The following GPHN variants were observed in gnomAD, a reference collection of about 807,000 sequenced individuals.
GPHN encodes gephyrin.
GPHN carries 17 observed loss-of-function variants against 95.5 expected under a neutral mutation model. The observed-to-expected ratio is 0.18, with a 90% CI of 0.12 to 0.27. The LOEUF (loss-of-function observed/expected upper bound fraction) is 0.27, where lower values mean the gene tolerates loss of function less well. Ranked by LOEUF, GPHN falls within the 10% of genes least tolerant of loss-of-function variation. The pLI is 1.00. For synonymous variants in GPHN, 320 were observed against 322.5 expected (o/e 0.99, Z 0.08); for missense variants, 660 against 978.1 (o/e 0.67, Z 4.34).
intron 10 of GPHN, among the ~76,000 whole-genome samples, chr14:67,054,480 G>A (rs953756392): frequency 6.6e-5 from 10 of 152,124 alleles, no homozygotes; most frequent in Admixed American, 2.0e-4. Flanking sequence ...AACATTCCAC[G>A]CTCATGGATG....
chr14:67,263,269 C>A, the GPHN span, among the ~76,000 whole-genome samples: 4 of 152,116 alleles, frequency 2.6e-5, no homozygotes, highest in Non-Finnish European at 5.9e-5. Context: ...CTCTTGTCCT[C>A]CTCCCACCCC....
Position 66,924,275 on chromosome 14 carries a change from C to T in GPHN, c.811C>T (p.His271Tyr). 6.3e-7 allele frequency: 1 copy of T among 1,599,544 alleles called. No homozygotes were observed. Residue 271 changes from histidine (H) to tyrosine (Y), a missense_variant, in exon 8 of 23, where the codon CAT (histidine) becomes TAT (tyrosine). Coordinates refer to ENST00000478722, the MANE Select transcript of GPHN (RefSeq NM_020806.5). ...PIPGLINYSH[H>Y]STDERIPDSI... The stretch of plus-strand genomic sequence containing the variant: ...CCCTGGTCTCATCAATTATTCCCAT[C>T]ATTCAACAGATGAACGGGTAAGACA...
At chr14:67,228,147 GT>G in the GPHN span, among the ~76,000 whole-genome samples, 1 of 149,988 alleles carries the variant, frequency 6.7e-6, no homozygotes, top group South Asian at 2.1e-4. Context: ...TCCAGCCTGG[GT>G]GACAGAGTGA....
At chr14:66,869,501 G>A (rs1328927900) in intron 4 of GPHN, among the ~76,000 whole-genome samples, 3 of 152,052 alleles carry the variant, frequency 2.0e-5, no homozygotes, top group Admixed American at 1.3e-4. Context: ...CATCTCATTC[G>A]CTGCCTGCTC....
At chr14:67,228,470 A>C in the GPHN span, 2 of 200,418 alleles carry the variant, frequency 1.0e-5, no homozygotes, top group Non-Finnish European at 1.8e-5. Flanking sequence ...AACACAGCTC[A>C]GGGAAAGACA....
At chr14:67,311,565 T>G in the GPHN span, among the ~76,000 whole-genome samples, 128 of 152,262 alleles carry the variant, frequency 8.4e-4, 2 homozygotes, top group East Asian at 0.024. Context: ...TAGGTAAAAA[T>G]TAGACATGGG....
chr14:66,599,723 G>A (rs951718905), intron 1 of GPHN, among the ~76,000 whole-genome samples: 4 of 151,806 alleles, frequency 2.6e-5, no homozygotes, highest in African/African-American at 9.7e-5. Context: ...AATAATAGAA[G>A]AGATAGTGGA....
At chr14:66,941,257 T>TA (rs35289961) in intron 8 of GPHN, among the ~76,000 whole-genome samples, 44,859 of 149,718 alleles carry the variant, frequency 0.3, 11,306 homozygotes, top group African/African-American at 0.67. Context: ...TTATTTTCAT[T>TA]AAAAAAAAAA....
the GPHN span, among the ~76,000 whole-genome samples, chr14:67,718,265 C>G: frequency 1.3e-5 from 2 of 152,106 alleles, no homozygotes; most frequent in East Asian, 3.9e-4. Context: ...TCTCATCTGG[C>G]TTCCAAAATA....
intron 4 of GPHN, among the ~76,000 whole-genome samples, chr14:66,853,475 T>C (rs890845135): frequency 1.3e-5 from 2 of 152,170 alleles, no homozygotes; most frequent in Non-Finnish European, 2.9e-5. Context: ...GACACACAGT[T>C]CCACATGGCT....
At position 66,866,973 on chromosome 14, in the gene GPHN, C is replaced by T. The variant is rs547192351; in HGVS notation, c.295-12966C>T. On this transcript the variant is annotated intron_variant, in intron 4 of 22. Coordinates refer to ENST00000478722, the MANE Select transcript of GPHN (RefSeq NM_020806.5). ...AATGCCTGCAGTATGTAAATTTGTA[C>T]TCTTTTCTTCCTGTGTCCTTCCTAC... Among the ~76,000 whole-genome samples, 4 of 152,108 alleles carry T rather than the reference C, an allele frequency of 2.6e-5. No homozygotes were observed. The East Asian group carries it at 7.7e-4, about 29-fold the overall frequency.
chr14:66,819,017 T>C (rs970708239), intron 3 of GPHN, among the ~76,000 whole-genome samples: 4 of 152,236 alleles, frequency 2.6e-5, no homozygotes, highest in Non-Finnish European at 5.9e-5. Flanking sequence ...TGCAAAAGAA[T>C]TGTCTCCCAT....
At chr14:67,039,274 A>G (rs180957943) in intron 10 of GPHN, among the ~76,000 whole-genome samples, 51 of 152,192 alleles carry the variant, frequency 3.4e-4, no homozygotes, top group Admixed American at 1.4e-3. Flanking sequence ...CCAGTTTCAT[A>G]TGTTCTTCTC....
At chr14:66,960,234 G>T (rs1445826627) in intron 8 of GPHN, among the ~76,000 whole-genome samples, 2 of 148,958 alleles carry the variant, frequency 1.3e-5, no homozygotes, top group African/African-American at 2.5e-5. Context: ...TCAGCTCAGT[G>T]TCTGAGCTTT....
At chr14:67,393,594 C>T in the GPHN span, among the ~76,000 whole-genome samples, 5 of 152,098 alleles carry the variant, frequency 3.3e-5, no homozygotes, top group Admixed American at 6.5e-5. Flanking sequence ...GCTGGGATTA[C>T]AGACATTTGC....
In GPHN at chr14:66,562,694, C is replaced by A. The variant is rs181563498; in HGVS notation, c.64+54103C>A. Among the ~76,000 whole-genome samples the A allele has an allele frequency of 2.6e-5, 4 of 152,116 alleles. No homozygotes were observed. The South Asian group carries it at 8.3e-4, about 32-fold the overall frequency. The stretch of plus-strand genomic sequence containing the variant: ...AGCAAATTGTAGGATAATAAATATA[C>A]GCGGGAAATCAATGGAAGATAAGGG... On this transcript the variant is annotated intron_variant, in intron 1 of 22. Coordinates refer to ENST00000478722, the MANE Select transcript of GPHN (RefSeq NM_020806.5).
At chr14:66,957,691 C>A (rs540170528) in intron 8 of GPHN, among the ~76,000 whole-genome samples, 2 of 152,182 alleles carry the variant, frequency 1.3e-5, no homozygotes, top group East Asian at 3.9e-4. Flanking sequence ...GCTGCTAGGT[C>A]TAGTTGGTTT....
intron 3 of GPHN, among the ~76,000 whole-genome samples, chr14:66,792,123 T>C (rs1395871861): frequency 2.6e-5 from 4 of 152,162 alleles, no homozygotes; most frequent in East Asian, 1.9e-4. Context: ...ATGGGAATTA[T>C]TATAATTCAA....
intron 3 of GPHN, among the ~76,000 whole-genome samples, chr14:66,789,572 A>G (rs2059901996): frequency 6.6e-6 from 1 of 152,226 alleles, no homozygotes; most frequent in South Asian, 2.1e-4. Context: ...CTATGGCCTA[A>G]TAACCAGGCT....
Sources: allele counts gnomAD v4.1 joint callset (sites outside exome capture counted in the v4.1 genomes callset), GRCh38; gene constraint gnomAD v4.1.1; transcripts MANE v1.5; gene names NCBI Gene and HGNC (gene_info 2026-07-23, HGNC 2026-07-21).